PIP4K2A: variants seen among roughly 807,000 people sequenced by gnomAD.
The protein encoded by PIP4K2A is phosphatidylinositol 5-phosphate 4-kinase type-2 alpha.
A neutral mutation model predicts 42.9 loss-of-function variants in PIP4K2A; 14 were observed. The observed-to-expected ratio is 0.33, with a 90% CI of 0.22 to 0.51. The LOEUF is 0.51. PIP4K2A is among the 20% of genes least tolerant of loss of function. The pLI, the probability that PIP4K2A is intolerant of heterozygous loss-of-function variation, is 0.97. For missense variants in PIP4K2A, 434 were observed against 519.8 expected, an observed-to-expected ratio of 0.83 and a Z score of 1.61; for synonymous variants, 192 against 192.2, an observed-to-expected ratio of 1.00 and a Z score of 0.01.
At chr10:22,566,043 C>T (rs1836841002) in intron 6 of PIP4K2A, among the ~76,000 whole-genome samples, 1 of 152,284 alleles carries the variant, frequency 6.6e-6, no homozygotes, top group East Asian at 1.9e-4. Flanking sequence ...ATTTTAATTT[C>T]GCCTCAGTCC....
At chr10:22,605,640 T>A (rs1430152755) in intron 3 of PIP4K2A, among the ~76,000 whole-genome samples, 1 of 152,194 alleles carries the variant, frequency 6.6e-6, no homozygotes, top group African/African-American at 2.4e-5. Flanking sequence ...AATAATGAAT[T>A]GAGGAATCTA....
At chr10:22,557,545 A>G (rs905598482) in intron 6 of PIP4K2A, among the ~76,000 whole-genome samples, 1 of 152,244 alleles carries the variant, frequency 6.6e-6, no homozygotes, top group Non-Finnish European at 1.5e-5. Context: ...AACTGCTGTC[A>G]TTCATATGGA....
Position 22,653,260 on chromosome 10 carries a change from G to T in PIP4K2A, c.145-43543C>A, listed in dbSNP as rs570168640. ...ACTCCTCCCCTCTTGCCTCAGGTGG[G>T]GGGCAGTACGTGGGAGGTAAGGAAA... On this transcript the variant is annotated intron_variant, in intron 1 of 9. Transcript: ENST00000376573. Among the ~76,000 whole-genome samples, 40 of 152,266 alleles carry T rather than the reference G, an allele frequency of 2.6e-4. No homozygotes were observed. The South Asian group carries it at 3.5e-3, about 13-fold the overall frequency.
At chr10:22,633,076 A>G (rs1214162268) in intron 1 of PIP4K2A, among the ~76,000 whole-genome samples, 1 of 152,186 alleles carries the variant, frequency 6.6e-6, no homozygotes, top group African/African-American at 2.4e-5. Context: ...TGAAATGGGC[A>G]CAACTATTAC....
chr10:22,587,878 G>A (rs73598573), intron 4 of PIP4K2A, among the ~76,000 whole-genome samples: 10,758 of 152,232 alleles, frequency 0.071, 1,199 homozygotes, highest in African/African-American at 0.23. Context: ...TTGACTCGGC[G>A]GACTGCATCT....
chr10:22,699,646 C>T (rs1315710512), intron 1 of PIP4K2A, among the ~76,000 whole-genome samples: 1 of 152,144 alleles, frequency 6.6e-6, no homozygotes, highest in East Asian at 1.9e-4. Flanking sequence ...ACAGCTTCTA[C>T]CACATCTATA....
chr10:22,547,058 T>C (rs771360088), intron 7 of PIP4K2A, among the ~76,000 whole-genome samples: 30 of 152,210 alleles, frequency 2.0e-4, no homozygotes, highest in Non-Finnish European at 3.8e-4. Flanking sequence ...GAGTCCTTGC[T>C]GTGACAAATC....
At chr10:22,595,779 T>C (rs1273062165) in intron 3 of PIP4K2A, among the ~76,000 whole-genome samples, 1 of 152,170 alleles carries the variant, frequency 6.6e-6, no homozygotes, top group African/African-American at 2.4e-5. Flanking sequence ...ATCTAGAACA[T>C]TCATCAGTTC....
chr10:22,573,537 G>A (rs1837039656), intron 4 of PIP4K2A, 80 bp from the exon 5 acceptor site: 3 of 1,257,234 alleles, frequency 2.4e-6, no homozygotes, highest in East Asian at 2.5e-5. Flanking sequence ...ATACGCCTAT[G>A]GTGTTCATAC....
chr10:22,692,706 A>G (rs1445562021), intron 1 of PIP4K2A, among the ~76,000 whole-genome samples: 1 of 152,192 alleles, frequency 6.6e-6, no homozygotes, highest in Non-Finnish European at 1.5e-5. Flanking sequence ...GCCTTCCCTT[A>G]GAGATGGAAC....
At chr10:22,688,842 T>A (rs929003108) in intron 1 of PIP4K2A, among the ~76,000 whole-genome samples, 1 of 152,222 alleles carries the variant, frequency 6.6e-6, no homozygotes, top group African/African-American at 2.4e-5. Context: ...TAGTGGTTTA[T>A]TATTAGACTG....
chr10:22,547,665 C>T (rs183132508), intron 7 of PIP4K2A, among the ~76,000 whole-genome samples: 114 of 152,298 alleles, frequency 7.5e-4, no homozygotes, highest in African/African-American at 2.6e-3. Flanking sequence ...CTCCTGGATG[C>T]CACAGAGGGA....
At chr10:22,607,625 T>A (rs1436797447) in intron 3 of PIP4K2A, among the ~76,000 whole-genome samples, 1 of 152,162 alleles carries the variant, frequency 6.6e-6, no homozygotes, top group African/African-American at 2.4e-5. Context: ...CAGGCAGCTC[T>A]GCTAGCCTGT....
rs183056992 is a variant in PIP4K2A at position 22,599,330 on chromosome 10, C to T, written c.340-7549G>A. On this transcript the variant is annotated intron_variant, in intron 3 of 9. Coordinates refer to ENST00000376573, the MANE Select transcript of PIP4K2A (RefSeq NM_005028.5). Reference sequence around the variant, plus strand: ...ATCACTCCCATTCCTTCCCCTATCCCCCAGCCTAGAAAGGCCACTGATCTT... The same window carrying T: ...ATCACTCCCATTCCTTCCCCTATCCTCCAGCCTAGAAAGGCCACTGATCTT... Among the ~76,000 whole-genome samples, 9 of 152,316 alleles carry T rather than the reference C, an allele frequency of 5.9e-5. No homozygotes were observed. The East Asian group carries it at 1.5e-3, about 26-fold the overall frequency.
intron 1 of PIP4K2A, among the ~76,000 whole-genome samples, chr10:22,711,456 A>T (rs1255384916): frequency 6.6e-6 from 1 of 152,250 alleles, no homozygotes; most frequent in African/African-American, 2.4e-5. Context: ...GACAACTTTT[A>T]TATAGTATTC....
chr10:22,686,526 G>C (rs1255559941), intron 1 of PIP4K2A, among the ~76,000 whole-genome samples: 2 of 152,152 alleles, frequency 1.3e-5, no homozygotes, highest in African/African-American at 4.8e-5. Context: ...GCCCAAGCTG[G>C]AGTGCAGTGT....
At chr10:22,597,998 T>G (rs1434371698) in intron 3 of PIP4K2A, among the ~76,000 whole-genome samples, 1 of 152,212 alleles carries the variant, frequency 6.6e-6, no homozygotes, top group Non-Finnish European at 1.5e-5. Flanking sequence ...TCATTAAAAA[T>G]CAAATTCCTT....
At chr10:22,567,311 A>G (rs1347822853) in intron 6 of PIP4K2A, among the ~76,000 whole-genome samples, 2 of 152,136 alleles carry the variant, frequency 1.3e-5, no homozygotes, top group African/African-American at 4.8e-5. Flanking sequence ...ATAAGCCAGG[A>G]AAAGAGAAAA....
chr10:22,672,179 TCTAA>T (rs1839466434), intron 1 of PIP4K2A, among the ~76,000 whole-genome samples: 1 of 151,946 alleles, frequency 6.6e-6, no homozygotes, highest in South Asian at 2.1e-4. Flanking sequence ...AGGCCAGCTA[TCTAA>T]CACATTTAAT....
Sources: gnomAD v4.1 joint callset for allele counts (sites outside exome capture counted in the v4.1 genomes callset) on GRCh38, gnomAD v4.1.1 for gene constraint, MANE v1.5 for transcripts, NCBI Gene and HGNC (gene_info 2026-07-23, HGNC 2026-07-21) for gene names.